The following DSCAM variants were observed in gnomAD, a reference collection of about 807,000 sequenced individuals.
DSCAM encodes the protein DS cell adhesion molecule, also known as cell adhesion molecule DSCAM.
DSCAM carries 47 observed loss-of-function variants against 217.7 expected under a neutral mutation model. The observed-to-expected ratio is 0.22, with a 90% confidence interval of 0.17 to 0.28. DSCAM has a LOEUF of 0.28. Ranked by LOEUF, DSCAM falls within the 10% of genes least tolerant of loss-of-function variation. The pLI is 1.00. For synonymous variants in DSCAM, 1,056 were observed against 1,015.3 expected, an observed-to-expected ratio of 1.04 and a Z score of -0.76; for missense variants, 2,080 against 2,618.3, an observed-to-expected ratio of 0.79 and a Z score of 4.49.
intron 1 of DSCAM, among the ~76,000 whole-genome samples, chr21:40,792,171 C>T (rs1159540753): frequency 5.2e-5 from 7 of 135,482 alleles, no homozygotes. Context: ...GACAGAGTCT[C>T]ACTGTTGCCC....
intron 1 of DSCAM, among the ~76,000 whole-genome samples, chr21:40,738,006 G>A (rs1000886464): frequency 3.3e-5 from 5 of 152,182 alleles, no homozygotes; most frequent in African/African-American, 1.2e-4. Context: ...GGGAGTGATA[G>A]CCTTCAAGGG....
At chr21:40,297,636 T>G (rs980138830) in intron 9 of DSCAM, among the ~76,000 whole-genome samples, 3 of 152,148 alleles carry the variant, frequency 2.0e-5, no homozygotes, top group Non-Finnish European at 4.4e-5. Flanking sequence ...GTTACAATGA[T>G]CTGAGCCAAC....
At chr21:40,506,463 G>A (rs1393109622) in intron 3 of DSCAM, among the ~76,000 whole-genome samples, 2 of 152,156 alleles carry the variant, frequency 1.3e-5, no homozygotes, top group African/African-American at 4.8e-5. Flanking sequence ...GCTCCTTCTT[G>A]CTTCATTGGA....
At chr21:40,187,318 T>C in intron 13 of DSCAM, 59 bp from the exon 14 acceptor site, 3 of 1,598,070 alleles carry the variant, frequency 1.9e-6, no homozygotes, top group East Asian at 4.5e-5. Flanking sequence ...CATAAAACGC[T>C]AGTGGAAATG....
chr21:40,616,995 C>T (rs1315722635), intron 3 of DSCAM, among the ~76,000 whole-genome samples: 34 of 109,820 alleles, frequency 3.1e-4, no homozygotes, highest in African/African-American at 1.1e-3. Flanking sequence ...CCAGCCTGGG[C>T]GACAGAGCAA....
chr21:40,160,089 G>A (rs1379342660), intron 16 of DSCAM, among the ~76,000 whole-genome samples: 1 of 152,136 alleles, frequency 6.6e-6, no homozygotes, highest in African/African-American at 2.4e-5. Context: ...TTCCAGAGTG[G>A]GCCCACATCC....
intron 3 of DSCAM, among the ~76,000 whole-genome samples, chr21:40,425,648 C>G (rs1241951376): frequency 1.3e-5 from 1 of 77,248 alleles, no homozygotes; most frequent in African/African-American, 5.2e-5. Flanking sequence ...GCCTGAGCAA[C>G]AAAGAGCGAA....
In DSCAM at chr21:40,462,125, C is replaced by T. The variant is rs149144302; in HGVS notation, c.509-92880G>A. Among the ~76,000 whole-genome samples, 1,000 of 152,272 alleles carry T rather than the reference C, an allele frequency of 6.6e-3. 20 individuals carry two copies. The highest frequency in any genetic ancestry group is 0.023 in the African/African-American group (952 of 41,540). ...AGTAGGGAGCAGATGGGATTTTTAA[C>T]CCACGTCTTTCCTCTTGGAACTCCT... On this transcript the variant is annotated intron_variant, in intron 3 of 32. Coordinates refer to ENST00000400454, the MANE Select transcript of DSCAM (RefSeq NM_001389.5).
chr21:40,715,289 T>A (rs553728005), intron 1 of DSCAM, among the ~76,000 whole-genome samples: 2 of 152,344 alleles, frequency 1.3e-5, no homozygotes, highest in South Asian at 2.1e-4. Context: ...GGGGAAGCTG[T>A]GTCCATGAGA....
intron 16 of DSCAM, among the ~76,000 whole-genome samples, chr21:40,164,163 C>T (rs769426520): frequency 2.6e-5 from 4 of 152,154 alleles, no homozygotes; most frequent in Non-Finnish European, 5.9e-5. Context: ...CCTGAGCCAT[C>T]GCCAAGAGCA....
chr21:40,782,652 T>C (rs1303656470), intron 1 of DSCAM, among the ~76,000 whole-genome samples: 3 of 151,746 alleles, frequency 2.0e-5, no homozygotes, highest in African/African-American at 7.3e-5. Flanking sequence ...ATCATTTGAG[T>C]ACAGGAGGTT....
intron 4 of DSCAM, among the ~76,000 whole-genome samples, chr21:40,356,668 T>A (rs949820845): frequency 6.6e-6 from 1 of 152,148 alleles, no homozygotes; most frequent in Non-Finnish European, 1.5e-5. Flanking sequence ...GAAATCATAT[T>A]GAGAATGGAA....
chr21:40,544,694 G>A (rs572430613), intron 3 of DSCAM, among the ~76,000 whole-genome samples: 28 of 152,254 alleles, frequency 1.8e-4, no homozygotes, highest in African/African-American at 6.5e-4. Flanking sequence ...CTGGAACTGT[G>A]AGAATAATTT....
At chr21:40,188,635 G>C (rs1007716209) in intron 12 of DSCAM, among the ~76,000 whole-genome samples, 1 of 149,934 alleles carries the variant, frequency 6.7e-6, no homozygotes, top group Non-Finnish European at 1.5e-5. Flanking sequence ...TTTTATTGTG[G>C]ATTTTTCCAA....
intron 3 of DSCAM, among the ~76,000 whole-genome samples, chr21:40,626,639 T>C (rs931640841): frequency 4.6e-5 from 7 of 152,220 alleles, no homozygotes; most frequent in African/African-American, 1.7e-4. Context: ...TGCATTCCTC[T>C]TTGACACCAC....
chr21:40,178,962 G>T lies in DSCAM; in HGVS notation c.2912C>A (p.Pro971His). 3 of 1,614,012 alleles carry T rather than the reference G, an allele frequency of 1.9e-6. No homozygotes were observed. Among genetic ancestry groups the T allele is most frequent in the Non-Finnish European group, 2.5e-6 (3 of 1,180,010 alleles). ...CGCCGTGATGGTGAGCTCGTTGCTG[G>T]GCTCGCTCTTGCCAATCCGGTTCTT... ...YAKNRIGKSE[P>H]SNELTITADE... is the part of the protein sequence containing the mutation. The change falls in exon 15 of 33, where the codon CCC becomes CAC. Residue 971 changes from proline to histidine, a missense_variant. By Grantham distance (77) the Pro-to-His change is moderately conservative (BLOSUM62 -2). Transcript: ENST00000400454.
chr21:40,627,910 G>A (rs545992274), intron 3 of DSCAM, among the ~76,000 whole-genome samples: 2 of 152,280 alleles, frequency 1.3e-5, no homozygotes, highest in Admixed American at 1.3e-4. Context: ...TTTCTGCTGT[G>A]TTTTTGTCTT....
chr21:40,447,641 A>G (rs750286976), intron 3 of DSCAM, among the ~76,000 whole-genome samples: 1 of 152,250 alleles, frequency 6.6e-6, no homozygotes, highest in Non-Finnish European at 1.5e-5. Context: ...AAACACATTC[A>G]TCATGCAACA....
intron 3 of DSCAM, among the ~76,000 whole-genome samples, chr21:40,603,905 G>A (rs1337659428): frequency 7.0e-6 from 1 of 142,042 alleles, no homozygotes; most frequent in African/African-American, 2.6e-5. Context: ...ACATGCCTAG[G>A]TGTAGACTTT....
Sources: gnomAD v4.1 joint callset for allele counts (sites outside exome capture counted in the v4.1 genomes callset) on GRCh38, gnomAD v4.1.1 for gene constraint, MANE v1.5 for transcripts, NCBI Gene and HGNC (gene_info 2026-07-23, HGNC 2026-07-21) for gene names.